The following FANCM variants were observed in gnomAD, a reference collection of about 807,000 sequenced individuals.
FANCM encodes the protein FA complementation group M, also known as Fanconi anemia group M protein.
In FANCM, 140 loss-of-function variants were observed where a neutral mutation model predicts 199.5. The observed-to-expected ratio is 0.70, with a 90% CI of 0.61 to 0.81. The LOEUF (loss-of-function observed/expected upper bound fraction) is 0.81. FANCM is among the 30% of genes least tolerant of loss of function. The pLI, the probability that FANCM is intolerant of heterozygous loss-of-function variation, is 0.00. For missense variants in FANCM, 2,410 were observed against 2,421.4 expected, an observed-to-expected ratio of 1.00 and a Z score of 0.10; for synonymous variants, 840 against 836.8, an observed-to-expected ratio of 1.00 and a Z score of -0.07.
intron 3 of FANCM, among the ~76,000 whole-genome samples, chr14:45,148,128 C>T (rs896471967): frequency 2.0e-5 from 3 of 151,400 alleles, no homozygotes; most frequent in East Asian, 1.9e-4. Context: ...ACCTGGGAGG[C>T]GGAGGTTGCA....
chr14:45,198,177 G>A (rs570505393), intron 21 of FANCM, among the ~76,000 whole-genome samples: 34 of 152,168 alleles, frequency 2.2e-4, no homozygotes, highest in African/African-American at 7.2e-4. Flanking sequence ...ACCAATAAAA[G>A]GATTTAAGTA....
intron 4 of FANCM, 21 bp downstream of exon 4, chr14:45,149,016 T>A (rs1477428754): frequency 3.2e-6 from 5 of 1,583,856 alleles, no homozygotes; most frequent in Non-Finnish European, 4.3e-6. Flanking sequence ...TTTATGACAT[T>A]TAGGGATTTC....
intron 2 of FANCM, among the ~76,000 whole-genome samples, chr14:45,140,032 T>TA (rs957509995): frequency 4.0e-5 from 6 of 151,758 alleles, no homozygotes; most frequent in African/African-American, 1.2e-4. Flanking sequence ...AAATGTAACT[T>TA]AAAAAAAAAT....
chr14:45,187,168 A>G (rs920281624), intron 18 of FANCM, among the ~76,000 whole-genome samples: 5 of 151,352 alleles, frequency 3.3e-5, no homozygotes, highest in Non-Finnish European at 7.4e-5. Flanking sequence ...TTGAAATTCC[A>G]TTTTAGACAC....
intron 9 of FANCM, among the ~76,000 whole-genome samples, chr14:45,162,148 G>A (rs531666123): frequency 5.0e-4 from 76 of 152,322 alleles, no homozygotes; most frequent in Non-Finnish European, 8.5e-4. Context: ...CACTTTGGGA[G>A]GCCAAGGCAG....
chr14:45,161,815 G>T (rs966624143), intron 9 of FANCM, among the ~76,000 whole-genome samples: 3 of 152,034 alleles, frequency 2.0e-5, no homozygotes, highest in African/African-American at 7.2e-5. Flanking sequence ...ATTGTCTGAA[G>T]AATAAACTGT....
intron 9 of FANCM, among the ~76,000 whole-genome samples, 187 bp from the exon 10 acceptor site, chr14:45,164,172 T>C (rs1887797192): frequency 6.6e-6 from 1 of 152,198 alleles, no homozygotes; most frequent in Admixed American, 6.5e-5. Flanking sequence ...CTTGAGCTCC[T>C]GGACTCAAGC....
chr14:45,180,021 C>G (rs1888968816), intron 14 of FANCM, among the ~76,000 whole-genome samples: 1 of 152,202 alleles, frequency 6.6e-6, no homozygotes, highest in Admixed American at 6.5e-5. Context: ...AGCCTTCGTT[C>G]ACTAAAACTG....
chr14:45,175,425 C>A lies in FANCM; in HGVS notation c.2671C>A (p.Gln891Lys). 1 of 1,583,576 alleles carries A rather than the reference C, an allele frequency of 6.3e-7. No individual in the cohort carries two copies. The highest frequency in any genetic ancestry group is 8.6e-7 in the Non-Finnish European group (1 of 1,165,932). ...DRNSTVENIF[Q>K]EDLPNDKRTS... is the part of the protein sequence containing the mutation. ...AAATTCCACTGTTGAAAATATTTTT[C>A]AAGAAGACCTACCAAATGATAAAAG... The change falls in exon 14 of 23, where the codon CAA (glutamine) becomes AAA (lysine). Residue 891 changes from glutamine (Q) to lysine (K), a missense_variant. Coordinates refer to ENST00000267430, the MANE Select transcript of FANCM (RefSeq NM_020937.4).
intron 19 of FANCM, among the ~76,000 whole-genome samples, chr14:45,188,359 T>G (rs1390882170): frequency 6.6e-6 from 1 of 152,128 alleles, no homozygotes; most frequent in Non-Finnish European, 1.5e-5. Flanking sequence ...AAAAGATTCC[T>G]TTTTTGTCCT....
intron 4 of FANCM, among the ~76,000 whole-genome samples, chr14:45,150,608 C>T (rs901334500): frequency 2.0e-5 from 3 of 152,158 alleles, no homozygotes; most frequent in African/African-American, 4.8e-5. Context: ...ATCCTTTGTC[C>T]TTAGAACCTC....
rs1471038418 is a variant in FANCM at position 45,200,132 on chromosome 14, TAC to T, written c.*126_*127del. ...TTTTATTTAAATATTTTATATTGTA[TAC>T]ATTTTTATTTATAGATTATAGAAAT... On this transcript the variant is annotated 3_prime_UTR_variant, in exon 23 of 23. Transcript: ENST00000267430. 8.4e-6 allele frequency: 3 copies of T among 358,362 alleles called. No individual in the cohort carries two copies. The highest frequency in any genetic ancestry group is 1.4e-5 in the Non-Finnish European group (3 of 221,824). The allele number at this position is 358,362 out of a possible 1,614,324, so 22.2% of individuals were successfully genotyped here.
At chr14:45,170,252 G>GT (rs1476437389) in intron 11 of FANCM, among the ~76,000 whole-genome samples, 2 of 152,154 alleles carry the variant, frequency 1.3e-5, no homozygotes, top group Non-Finnish European at 2.9e-5. Flanking sequence ...AAACTGAGTG[G>GT]TTTTTTATGA....
At chr14:45,168,916 T>G (rs1348657298) in intron 11 of FANCM, among the ~76,000 whole-genome samples, 1 of 147,384 alleles carries the variant, frequency 6.8e-6, no homozygotes, top group Admixed American at 6.8e-5. Flanking sequence ...CTGAATTGAC[T>G]ATTTTTTATT....
intron 14 of FANCM, among the ~76,000 whole-genome samples, chr14:45,178,410 G>A (rs890071791): frequency 6.6e-6 from 1 of 152,098 alleles, no homozygotes; most frequent in Non-Finnish European, 1.5e-5. Context: ...TTCTAGGATT[G>A]TACTTAACTA....
rs1314529344 is a variant in FANCM at position 45,159,299 on chromosome 14, GATAAAA to G, written c.1581+30_1581+35del. On this transcript the variant is annotated intron_variant, in intron 9 of 22. Transcript: ENST00000267430. ...ACTGGAGGTAATTATTTTTGGAATTGATAAAAATAAAAATAAGATTGATTAGCTTTG... is the reference window on the plus strand; with the variant it reads ...ACTGGAGGTAATTATTTTTGGAATTGATAAAAATAAGATTGATTAGCTTTG... The G allele has an allele frequency of 1.1e-5, 17 of 1,583,036 alleles. No homozygotes were observed. Among genetic ancestry groups the G allele is most frequent in the Admixed American group, 6.7e-5 (4 of 59,606 alleles).
intron 5 of FANCM, among the ~76,000 whole-genome samples, chr14:45,152,582 A>G (rs1238696865): frequency 6.6e-6 from 1 of 152,218 alleles, no homozygotes; most frequent in Non-Finnish European, 1.5e-5. Context: ...CATAGACACA[A>G]AAAAGGGCAC....
chr14:45,172,158 A>G (rs180673751), intron 12 of FANCM, among the ~76,000 whole-genome samples: 116 of 152,120 alleles, frequency 7.6e-4, no homozygotes, highest in Non-Finnish European at 3.4e-4. Flanking sequence ...TGAGTTCCTT[A>G]TAGATTCTGG....
rs1172201494 is a variant in FANCM, at chr14:45,200,510, CTGAA to C, written c.*505_*508del. 1 of 153,200 alleles carries C rather than the reference CTGAA, an allele frequency of 6.5e-6. No homozygotes were observed. The allele number at this position is 153,200 out of a possible 1,614,324, so 9.5% of individuals were successfully genotyped here. On this transcript the variant is annotated 3_prime_UTR_variant, in exon 23 of 23. Transcript: ENST00000267430. The stretch of plus-strand genomic sequence containing the variant: ...GTAACTAGGAAAGTAGAAAACTTAA[CTGAA>C]TGTTTATCTGACCAAAGGTGTGTCC...
Sources: gnomAD v4.1 joint callset for allele counts (sites outside exome capture counted in the v4.1 genomes callset) on GRCh38, gnomAD v4.1.1 for gene constraint, MANE v1.5 for transcripts, NCBI Gene and HGNC (gene_info 2026-07-23, HGNC 2026-07-21) for gene names.